FLT4: variants seen among roughly 807,000 people sequenced by gnomAD.
FLT4 encodes vascular endothelial growth factor receptor 3.
A neutral mutation model predicts 163.2 loss-of-function variants in FLT4; 30 were observed. The ratio of observed to expected loss-of-function variants is 0.18; its 90% CI spans 0.14 to 0.25. The LOEUF is 0.25. Ranked by LOEUF, FLT4 falls within the 10% of genes least tolerant of loss-of-function variation. The pLI is 1.00. For missense variants in FLT4, 1,510 were observed against 1,863.8 expected (o/e 0.81, Z 3.50); for synonymous variants, 884 against 789.5 (o/e 1.12, Z -2.01).
At chr5:180,606,348 G>A (rs931437559) in intron 29 of FLT4, among the ~76,000 whole-genome samples, 2 of 152,210 alleles carry the variant, frequency 1.3e-5, no homozygotes, top group Non-Finnish European at 2.9e-5. Flanking sequence ...GGCTTGGCAA[G>A]GGAGCTCTCC....
rs765678550 is a variant in FLT4, at chr5:180,626,196, C to T, written c.1173G>A (p.Glu391=). 7 of 1,612,864 alleles carry T rather than the reference C, an allele frequency of 4.3e-6. No homozygotes were observed. Among genetic ancestry groups the T allele is most frequent in the Non-Finnish European group, 5.1e-6 (6 of 1,180,004 alleles). The change falls in exon 9 of 30, where the codon GAG becomes GAA. Residue 391 remains glutamate (E), a synonymous_variant. Coordinates refer to ENST00000261937, the MANE Select transcript of FLT4 (RefSeq NM_182925.5). ...PHALVLKEVT[E]ASTGTYTLAL... is the part of the protein sequence containing the mutation. ...CGAGGGTGTAGGTGCCTGTGCTGGC[C>T]TCTGTCACCTCCTTGAGCACCAGGG... is the stretch of plus-strand genomic sequence containing the variant.
chr5:180,622,161 T>C (rs1250057845), intron 12 of FLT4, among the ~76,000 whole-genome samples: 1 of 152,168 alleles, frequency 6.6e-6, no homozygotes, highest in Non-Finnish European at 1.5e-5. Flanking sequence ...ACGTGTTCCC[T>C]GGCTTTTCCC....
intron 8 of FLT4, among the ~76,000 whole-genome samples, chr5:180,626,585 C>T (rs752659175): frequency 7.9e-5 from 12 of 152,184 alleles, no homozygotes; most frequent in South Asian, 6.2e-4. Flanking sequence ...CTGGGGCAGC[C>T]GCCTTCTCTC....
intron 10 of FLT4, among the ~76,000 whole-genome samples, chr5:180,625,108 C>T (rs307823): frequency 0.7 from 106,847 of 152,168 alleles, 39,747 homozygotes; most frequent in Non-Finnish European, 0.82. Flanking sequence ...ACCCTCATCT[C>T]CCATGTAGGT....
intron 29 of FLT4, among the ~76,000 whole-genome samples, chr5:180,603,882 C>T (rs544904516): frequency 3.0e-4 from 44 of 147,722 alleles, no homozygotes; most frequent in Non-Finnish European, 3.4e-4. Context: ...CCAGCCTGGG[C>T]GACAGAGTGA....
chr5:180,621,042 G>A (rs1329529797), intron 14 of FLT4, 35 bp from the exon 15 acceptor site: 1 of 1,611,604 alleles, frequency 6.2e-7, no homozygotes, highest in Non-Finnish European at 8.5e-7. Context: ...GGGTCCACCT[G>A]GGTTTGGGAT....
rs545911664 is a variant in FLT4, at chr5:180,620,414, C to G, written c.2407-106G>C. On this transcript the variant is annotated intron_variant, in intron 16 of 29. Coordinates refer to ENST00000261937, the MANE Select transcript of FLT4 (RefSeq NM_182925.5). The surrounding 1 kb of genome is among the most constrained non-coding windows in gnomAD (Gnocchi z 4.4). ...GACAGATGGCACTTCCTGCGGGGTT[C>G]TCAGTCAAGGAGGGGACAGAAAAAA... is the stretch of plus-strand genomic sequence containing the variant. 2 of 1,434,486 alleles carry G rather than the reference C, an allele frequency of 1.4e-6. No individual in the cohort carries two copies. The highest frequency in any genetic ancestry group is 2.3e-5 in the South Asian group (2 of 86,494). The allele number at this position is 1,434,486 out of a possible 1,614,324, so 88.9% of individuals were successfully genotyped here.
intron 1 of FLT4, among the ~76,000 whole-genome samples, chr5:180,640,442 C>T (rs1169710968): frequency 6.6e-6 from 1 of 152,198 alleles, no homozygotes; most frequent in East Asian, 1.9e-4. Flanking sequence ...GGCCTTCCTC[C>T]TAGCCCCTAG....
In FLT4 at chr5:180,631,693, G is replaced by A. The variant is rs1337740888; in HGVS notation, c.144C>T (p.Ser48=). ...GAGGGACCCAGTACCTGCAGGAGAT[G>A]GACAGGCTGTCACCGGTGTCGATGA... is the stretch of plus-strand genomic sequence containing the variant. ...SHVIDTGDSL[S]ISCRGQHPLE... The change falls in exon 2 of 30, where the codon TCC becomes TCT. Residue 48 remains serine (S), a synonymous_variant. Transcript: ENST00000261937. 4.3e-6 allele frequency: 7 copies of A among 1,609,678 alleles called. No individual in the cohort carries two copies. The highest frequency in any genetic ancestry group is 5.9e-6 in the Non-Finnish European group (7 of 1,179,332).
chr5:180,609,625 G>A (rs1390779543), intron 28 of FLT4: 3 of 443,454 alleles, frequency 6.8e-6, no homozygotes, highest in Admixed American at 6.9e-5. Flanking sequence ...CGGGACCCCC[G>A]AACCTGCCAC....
rs1332417197 is a variant in FLT4, at chr5:180,630,837, C to A, written c.156-38G>T. The stretch of plus-strand genomic sequence containing the variant: ...AGGAGTGGTCAGGTGGGCCCCAGGG[C>A]AGCCCATGGGGACTGTCCCTGAGAA... On this transcript the variant is annotated intron_variant, in intron 2 of 29. Coordinates refer to ENST00000261937, the MANE Select transcript of FLT4 (RefSeq NM_182925.5). The surrounding 1 kb of genome is among the most constrained non-coding windows in gnomAD (Gnocchi z 6.3). 1.3e-6 allele frequency: 2 copies of A among 1,574,572 alleles called. No homozygotes were observed. Among genetic ancestry groups the A allele is most frequent in the African/African-American group, 1.3e-5 (1 of 74,478 alleles).
chr5:180,648,729 C>CG (rs112954646), intron 1 of FLT4, among the ~76,000 whole-genome samples: 88 of 100,878 alleles, frequency 8.7e-4, no homozygotes, highest in African/African-American at 2.8e-3. Flanking sequence ...GCCAGAGCCA[C>CG]ATCCCAACAC....
At chr5:180,616,864 CT>C (rs2127803233) in intron 22 of FLT4, 35 bp downstream of exon 22, 3 of 1,544,378 alleles carry the variant, frequency 1.9e-6, no homozygotes, top group Non-Finnish European at 2.7e-6. Context: ...GGGATGCACC[CT>C]TTTCCCGTCT....
At chr5:180,610,096 C>T (rs2127789044) in intron 27 of FLT4, 71 bp from the exon 28 acceptor site, 1 of 1,606,466 alleles carries the variant, frequency 6.2e-7, no homozygotes, top group East Asian at 2.2e-5. Context: ...CTCCACTGTC[C>T]CTGTGCCCCC....
rs969188458 is a variant in FLT4 at position 180,623,417 on chromosome 5, C to T, written c.1548+518G>A. Among the ~76,000 whole-genome samples, 1 of 152,106 alleles carries T rather than the reference C, an allele frequency of 6.6e-6. No individual in the cohort carries two copies. Among genetic ancestry groups the T allele is most frequent in the Non-Finnish European group, 1.5e-5 (1 of 68,000 alleles). On this transcript the variant is annotated intron_variant, in intron 11 of 29. Coordinates refer to ENST00000261937, the MANE Select transcript of FLT4 (RefSeq NM_182925.5). The surrounding 1 kb of genome is among the most constrained non-coding windows in gnomAD (Gnocchi z 5.8). ...GGAGGAGAGAGGGCCACAGGCCCTG[C>T]CTACCATCCAAAGACCCCCACCCCC... is the stretch of plus-strand genomic sequence containing the variant.
Position 180,629,849 on chromosome 5 carries a change from C to A in FLT4, c.677-14G>T. 2 of 1,612,608 alleles carry A rather than the reference C, an allele frequency of 1.2e-6. No individual in the cohort carries two copies. Among genetic ancestry groups the A allele is most frequent in the Non-Finnish European group, 1.7e-6 (2 of 1,179,888 alleles). On this transcript the variant is annotated splice_polypyrimidine_tract_variant and intron_variant, in intron 5 of 29. Coordinates refer to ENST00000261937, the MANE Select transcript of FLT4 (RefSeq NM_182925.5). ...AGAGCTCGTTGCCTGTTGACACGCA[C>A]ACAGTGACTCCCACGCCCTCACAGG... is the stretch of plus-strand genomic sequence containing the variant.
intron 29 of FLT4, 143 bp downstream of exon 29, chr5:180,608,825 G>A: frequency 1.3e-6 from 1 of 747,268 alleles, no homozygotes; most frequent in South Asian, 1.4e-5. Context: ...GTCTCAGGCA[G>A]CTCACCTTGA....
chr5:180,621,507 G>C (rs370768755), intron 13 of FLT4, 35 bp downstream of exon 13: 9 of 1,606,712 alleles, frequency 5.6e-6, no homozygotes, highest in Admixed American at 3.3e-5. Flanking sequence ...TGCTAGAAGA[G>C]AGCGCGTCCC....
chr5:180,601,818 C>G lies in FLT4; in HGVS notation c.*1374G>C, dbSNP rs1036971726. The G allele has an allele frequency of 1.7e-5, 4 of 232,598 alleles. No homozygotes were observed. Among genetic ancestry groups the G allele is most frequent in the African/African-American group, 6.6e-5 (3 of 45,216 alleles). 14.4% of individuals were successfully genotyped at this position (232,598 alleles called of 1,614,324 possible). A position where few individuals can be genotyped will look rare whatever the true frequency, so the allele number is the denominator to read the frequency against. ...GTGCACTCGGCATATCCTGGAGTAACGCGCAGTGGGGGAGGTGGGGAGGGG... is the reference window on the plus strand; with the variant it reads ...GTGCACTCGGCATATCCTGGAGTAAGGCGCAGTGGGGGAGGTGGGGAGGGG... On this transcript the variant is annotated 3_prime_UTR_variant, in exon 30 of 30. Coordinates refer to ENST00000261937, the MANE Select transcript of FLT4 (RefSeq NM_182925.5).
Sources: allele counts gnomAD v4.1 joint callset (sites outside exome capture counted in the v4.1 genomes callset), GRCh38; gene constraint gnomAD v4.1.1; non-coding constraint Gnocchi (gnomAD v3.1); transcripts MANE v1.5; gene names NCBI Gene and HGNC (gene_info 2026-07-23, HGNC 2026-07-21).